Variants in FBXO9 observed in about 807,000 individuals in gnomAD.
FBXO9 encodes the protein F-box protein 9, also known as F-box only protein 9.
In FBXO9, 43 loss-of-function variants were observed where a neutral mutation model predicts 63.7. That is an observed-to-expected ratio of 0.67 (90% CI 0.53 to 0.87). The LOEUF (loss-of-function observed/expected upper bound fraction) is 0.87. FBXO9 is among the 40% of genes least tolerant of loss of function. The probability of loss-of-function intolerance (pLI) is 0.00; values close to 1 mark genes in which losing one functional copy is unlikely to be tolerated. For synonymous variants in FBXO9, 156 were observed against 171.7 expected, an observed-to-expected ratio of 0.91 and a Z score of 0.72; for missense variants, 442 against 533.2, an observed-to-expected ratio of 0.83 and a Z score of 1.68.
intron 11 of FBXO9, 56 bp from the exon 12 acceptor site, chr6:53,095,457 T>C: frequency 6.8e-7 from 1 of 1,477,850 alleles, no homozygotes; most frequent in Non-Finnish European, 9.1e-7. Flanking sequence ...ACTATTTCTG[T>C]AAACATAGAA....
chr6:53,070,984 A>G (rs1768895666), intron 1 of FBXO9, 73 bp from the exon 2 acceptor site: 5 of 1,544,252 alleles, frequency 3.2e-6, no homozygotes, highest in Middle Eastern at 1.7e-4. Context: ...AAGTGGCTGA[A>G]TGAGAAATGT....
At chr6:53,088,986 A>G (rs910290557) in intron 7 of FBXO9, among the ~76,000 whole-genome samples, 1 of 150,324 alleles carries the variant, frequency 6.7e-6, no homozygotes, top group African/African-American at 2.4e-5. Context: ...CAGTGGCGCA[A>G]TCTCGGCTCA....
chr6:53,083,564 TC>T (rs1408772177), intron 7 of FBXO9, among the ~76,000 whole-genome samples: 1 of 152,200 alleles, frequency 6.6e-6, no homozygotes, highest in Non-Finnish European at 1.5e-5. Flanking sequence ...ACTACAAAGA[TC>T]AGTAACAAGG....
intron 1 of FBXO9, among the ~76,000 whole-genome samples, chr6:53,070,136 A>G (rs1255284797): frequency 6.8e-6 from 1 of 146,148 alleles, no homozygotes; most frequent in South Asian, 2.1e-4. Context: ...CTCCCACCTC[A>G]GCCTCCCAAT....
intron 7 of FBXO9, among the ~76,000 whole-genome samples, chr6:53,084,267 C>G (rs1289090196): frequency 2.0e-5 from 3 of 152,148 alleles, no homozygotes; most frequent in Non-Finnish European, 2.9e-5. Context: ...TACCTGTTTT[C>G]TTATTTTGTG....
chr6:53,077,177 A>G (rs1348860654), intron 4 of FBXO9, among the ~76,000 whole-genome samples: 1 of 152,226 alleles, frequency 6.6e-6, no homozygotes, highest in African/African-American at 2.4e-5. Context: ...TATTACCAAC[A>G]GAAATATGTG....
At chr6:53,093,792 G>T in intron 10 of FBXO9, 93 bp from the exon 11 acceptor site, 1 of 1,039,048 alleles carries the variant, frequency 9.6e-7, no homozygotes. Context: ...TTCTTTTCAA[G>T]CAAGAGTAAA....
In FBXO9 at chr6:53,076,385, A is replaced by G. The variant is rs530008445; in HGVS notation, c.250-101A>G. On this transcript the variant is annotated intron_variant, in intron 3 of 12. Coordinates refer to ENST00000323557, the MANE Select transcript of FBXO9 (RefSeq NM_033480.3). ...AAGGTTCATTAATTTGCCTATGAAT[A>G]TCCAGTTATTTTGCACAATTTATTA... The G allele has an allele frequency of 6.4e-4, 452 of 708,222 alleles. 7 individuals are homozygous for G. In the South Asian group the frequency reaches 8.3e-3, roughly 13 times the overall value. 43.9% of individuals were successfully genotyped at this position (708,222 alleles called of 1,614,324 possible). A position where few individuals can be genotyped will look rare whatever the true frequency, so the allele number is the denominator to read the frequency against.
intron 3 of FBXO9, among the ~76,000 whole-genome samples, chr6:53,074,978 A>G (rs1173435610): frequency 6.6e-6 from 1 of 152,196 alleles, no homozygotes. Context: ...CCAAGAGTAC[A>G]ATTGCTAAGT....
At chr6:53,090,618 G>A (rs1243406800) in intron 7 of FBXO9, among the ~76,000 whole-genome samples, 6 of 152,274 alleles carry the variant, frequency 3.9e-5, no homozygotes, top group Admixed American at 3.9e-4. Context: ...TTTAACATAA[G>A]TTTGAGGGGA....
At chr6:53,085,029 T>G (rs1276665894) in intron 7 of FBXO9, among the ~76,000 whole-genome samples, 1 of 152,170 alleles carries the variant, frequency 6.6e-6, no homozygotes, top group Non-Finnish European at 1.5e-5. Context: ...CTAATGTTTC[T>G]AATTGTATCC....
chr6:53,074,142 A>G (rs1769015937), intron 3 of FBXO9, among the ~76,000 whole-genome samples: 2 of 152,150 alleles, frequency 1.3e-5, no homozygotes, highest in Admixed American at 1.3e-4. Flanking sequence ...TTCACACTGA[A>G]AATATTTTGA....
chr6:53,095,678 A>G lies in FBXO9; in HGVS notation c.1205+14A>G, dbSNP rs1265418593. ...CATTACTTACAAGTAGGTGAATGCA[A>G]TAAAAATAACAAGGTTACACTATAA... On this transcript the variant is annotated intron_variant, in intron 12 of 12. Coordinates refer to ENST00000323557, the MANE Select transcript of FBXO9 (RefSeq NM_033480.3). 5 of 1,596,704 alleles carry G rather than the reference A, an allele frequency of 3.1e-6. No individual in the cohort carries two copies. Among genetic ancestry groups the G allele is most frequent in the Admixed American group, 3.6e-5 (2 of 55,798 alleles).
intron 5 of FBXO9, 139 bp from the exon 6 acceptor site, chr6:53,080,829 C>A: frequency 1.2e-6 from 1 of 840,432 alleles, no homozygotes; most frequent in Non-Finnish European, 1.8e-6. Flanking sequence ...AAATTCATCA[C>A]ATTTAAAAAT....
intron 1 of FBXO9, chr6:53,067,817 A>G (rs1050864350): frequency 1.3e-5 from 2 of 152,230 alleles, no homozygotes; most frequent in Admixed American, 6.5e-5. Flanking sequence ...AAACTAAAAA[A>G]TAATGTATTT....
chr6:53,084,167 A>G (rs1255479468), intron 7 of FBXO9, among the ~76,000 whole-genome samples: 2 of 152,232 alleles, frequency 1.3e-5, no homozygotes, highest in African/African-American at 4.8e-5. Flanking sequence ...CAATTTGCAT[A>G]ATGGTTTTGA....
chr6:53,090,192 T>C (rs918123109), intron 7 of FBXO9, among the ~76,000 whole-genome samples: 1 of 152,226 alleles, frequency 6.6e-6, no homozygotes, highest in African/African-American at 2.4e-5. Context: ...ATTTTTTGTA[T>C]AAGGTTTAAT....
intron 6 of FBXO9, 74 bp downstream of exon 6, chr6:53,081,172 A>T (rs1769300137): frequency 6.8e-7 from 1 of 1,460,074 alleles, no homozygotes; most frequent in African/African-American, 1.4e-5. Flanking sequence ...ATAAGGTCAG[A>T]TAATTTGCCA....
In FBXO9 at chr6:53,098,811, G is replaced by A. The variant is rs1182851736; in HGVS notation, c.*981G>A. ...CTGAGCCTAACTCTTGTTCCAGTAT[G>A]AAAGTTGGGGGAGAGCACCAGCCAC... On this transcript the variant is annotated 3_prime_UTR_variant, in exon 13 of 13. Coordinates refer to ENST00000323557, the MANE Select transcript of FBXO9 (RefSeq NM_033480.3). The A allele has an allele frequency of 6.6e-6, 1 of 152,184 alleles. No homozygotes were observed. The highest frequency in any genetic ancestry group is 1.5e-5 in the Non-Finnish European group (1 of 68,044). The allele number at this position is 152,184 out of a possible 1,614,324, so 9.4% of individuals were successfully genotyped here.
Sources: gnomAD v4.1 joint callset for allele counts (sites outside exome capture counted in the v4.1 genomes callset) on GRCh38, gnomAD v4.1.1 for gene constraint, MANE v1.5 for transcripts, NCBI Gene and HGNC (gene_info 2026-07-23, HGNC 2026-07-21) for gene names.